Variants in PKHD1 observed in about 807,000 individuals in gnomAD.
PKHD1 encodes the protein PKHD1 ciliary IPT domain containing fibrocystin/polyductin, also known as fibrocystin.
Under a neutral mutation model 412.0 loss-of-function variants are expected in PKHD1, and 291 were observed. That is an observed-to-expected ratio of 0.71 (90% CI 0.64 to 0.78). The LOEUF (loss-of-function observed/expected upper bound fraction) is 0.78. Among genes scored for constraint, PKHD1 ranks in the 30% least tolerant of loss-of-function variants. The pLI is 0.00. For missense variants in PKHD1, 4,825 were observed against 4,950.7 expected (o/e 0.97, Z 0.76); for synonymous variants, 1,777 against 1,821.5 (o/e 0.98, Z 0.62).
chr6:51,802,338 T>C (rs1031637319), intron 52 of PKHD1, among the ~76,000 whole-genome samples: 9 of 151,576 alleles, frequency 5.9e-5, no homozygotes, highest in Non-Finnish European at 1.0e-4. Flanking sequence ...TTAGGTCTGA[T>C]GTTAAACTAC....
rs769182701 is a variant in PKHD1 at position 51,754,883 on chromosome 6, A to G, written c.8698T>C (p.Ser2900Pro). 2 of 1,613,276 alleles carry G rather than the reference A, an allele frequency of 1.2e-6. No individual in the cohort carries two copies. The highest frequency in any genetic ancestry group is 2.2e-5 in the South Asian group (2 of 91,068). The change falls in exon 56 of 67, where the codon TCC becomes CCC. Residue 2900 changes from serine (S) to proline (P), a missense_variant. Transcript: ENST00000371117. ...GCTTCATGAGGCTCATAAGAAGAGG[A>G]GCTAAGGACTATTTTGTCATGGGGG... ...WRPHDKIVLS[S>P]SSYEPHEAEV...
chr6:51,932,596 C>T (rs931789257), intron 37 of PKHD1, among the ~76,000 whole-genome samples: 2 of 152,194 alleles, frequency 1.3e-5, no homozygotes, highest in African/African-American at 2.4e-5. Context: ...CATTTGAAAA[C>T]CATGGCTGAC....
At chr6:51,659,991 A>G in intron 60 of PKHD1, 22 bp from the exon 61 acceptor site, 1 of 1,399,756 alleles carries the variant, frequency 7.1e-7, no homozygotes. Context: ...AAGAAGCAAA[A>G]CAAGTGATAT....
chr6:51,934,299 G>A lies in PKHD1; in HGVS notation c.5932C>T (p.Pro1978Ser). ...IKGGKLIFMAPGPIELRAHAI... is the reference protein window; with the variant it reads ...IKGGKLIFMASGPIELRAHAI... ...TGTGCCCTGAGCTCGATGGGTCCTG[G>A]GGCCATGAAAATCAGCTTGCCCCCT... The change falls in exon 37 of 67, where the codon CCA becomes TCA. Residue 1978 changes from proline to serine, a missense_variant. Coordinates refer to ENST00000371117, the MANE Select transcript of PKHD1 (RefSeq NM_138694.4). 1.9e-6 allele frequency: 3 copies of A among 1,612,576 alleles called. No individual in the cohort carries two copies. Among genetic ancestry groups the A allele is most frequent in the Non-Finnish European group, 2.5e-6 (3 of 1,179,746 alleles).
intron 35 of PKHD1, among the ~76,000 whole-genome samples, chr6:52,007,302 C>T (rs1163641624): frequency 6.6e-6 from 1 of 152,168 alleles, no homozygotes; most frequent in Non-Finnish European, 1.5e-5. Context: ...TTTACATTCC[C>T]ACCAGCAGTG....
chr6:51,797,416 A>G (rs1562332537), intron 52 of PKHD1, among the ~76,000 whole-genome samples: 1 of 152,094 alleles, frequency 6.6e-6, no homozygotes, highest in Non-Finnish European at 1.5e-5. Flanking sequence ...GTCTCACACT[A>G]TTATTGTGTG....
At chr6:51,832,282 A>T (rs2151520327) in intron 51 of PKHD1, among the ~76,000 whole-genome samples, 1 of 152,182 alleles carries the variant, frequency 6.6e-6, no homozygotes, top group African/African-American at 2.4e-5. Flanking sequence ...GCTGCATTTT[A>T]AAGCCTTAGA....
intron 60 of PKHD1, among the ~76,000 whole-genome samples, chr6:51,690,346 A>T (rs536318008): frequency 6.6e-6 from 1 of 151,930 alleles, no homozygotes; most frequent in African/African-American, 2.4e-5. Context: ...CAAAAAAGAG[A>T]TCGAATAGCC....
At chr6:51,753,874 G>A (rs1319949426) in intron 56 of PKHD1, among the ~76,000 whole-genome samples, 1 of 152,212 alleles carries the variant, frequency 6.6e-6, no homozygotes. Context: ...GGCCTGAACA[G>A]CTTCCACAGC....
intron 31 of PKHD1, 50 bp from the exon 32 acceptor site, chr6:52,026,231 A>T: frequency 6.5e-7 from 1 of 1,533,220 alleles, no homozygotes; most frequent in Non-Finnish European, 9.0e-7. Flanking sequence ...ATTCTGAACT[A>T]AGAATTCATA....
intron 52 of PKHD1, among the ~76,000 whole-genome samples, chr6:51,823,196 CA>C (rs1391739685): frequency 1.3e-5 from 2 of 151,960 alleles, no homozygotes; most frequent in Non-Finnish European, 1.5e-5. Flanking sequence ...AGAAGGTGCC[CA>C]ATACGGTCAC....
chr6:51,894,926 T>G (rs1779664384), intron 43 of PKHD1, among the ~76,000 whole-genome samples: 1 of 152,200 alleles, frequency 6.6e-6, no homozygotes, highest in Admixed American at 6.5e-5. Flanking sequence ...AAGTCTGAAA[T>G]TATTTTAAAA....
At chr6:51,624,266 G>A (rs2771013) in intron 66 of PKHD1, among the ~76,000 whole-genome samples, 7,636 of 152,134 alleles carry the variant, frequency 0.05, 333 homozygotes, top group African/African-American at 0.12. Flanking sequence ...ATTATTTTTT[G>A]AAGTTGTCTT....
intron 66 of PKHD1, among the ~76,000 whole-genome samples, chr6:51,623,657 C>T (rs1025853995): frequency 3.9e-5 from 6 of 152,034 alleles, no homozygotes; most frequent in Admixed American, 3.9e-4. Context: ...GATCTTGGCC[C>T]ACTGCGCCCT....
chr6:51,942,132 T>C (rs1484719993), intron 36 of PKHD1, among the ~76,000 whole-genome samples: 2 of 151,406 alleles, frequency 1.3e-5, no homozygotes, highest in Admixed American at 6.6e-5. Context: ...GCTGACCCCA[T>C]AGATCCTAAA....
rs1005094450 is a variant in PKHD1 at position 52,072,179 on chromosome 6, A to G, written c.538T>C (p.Leu180=). The change falls in exon 8 of 67, where the codon TTG becomes CTG. Residue 180 remains leucine (L), a synonymous_variant. Coordinates refer to ENST00000371117, the MANE Select transcript of PKHD1 (RefSeq NM_138694.4). The part of the protein sequence containing the change: ...DAEYIDSPVI[L]EAQGDKWVTP... Reference sequence around the variant, plus strand: ...ACCCATTTGTCTCCTTGAGCTTCCAAGATCACTGGGCTGGATTTAAAAAAA... The same window carrying G: ...ACCCATTTGTCTCCTTGAGCTTCCAGGATCACTGGGCTGGATTTAAAAAAA... 2 of 1,603,570 alleles carry G rather than the reference A, an allele frequency of 1.2e-6. No homozygotes were observed. Among genetic ancestry groups the G allele is most frequent in the Non-Finnish European group, 1.7e-6 (2 of 1,170,512 alleles).
intron 53 of PKHD1, among the ~76,000 whole-genome samples, chr6:51,788,211 G>A (rs900436994): frequency 7.9e-5 from 12 of 152,104 alleles, no homozygotes; most frequent in African/African-American, 2.7e-4. Context: ...AGCTGACAGT[G>A]TAGTTGGCAG....
rs74562781 is a variant in PKHD1 at position 51,630,164 on chromosome 6, C to T, written c.11665+2401G>A. Among the ~76,000 whole-genome samples, 828 of 152,144 alleles carry T rather than the reference C, an allele frequency of 5.4e-3. 7 individuals are homozygous for T. The highest frequency in any genetic ancestry group is 0.019 in the African/African-American group (777 of 41,516). ...TTTCATGTAACAAAGTACAAAAAGG[C>T]CATTGAGATGGCACTTTAAGTAACT... On this transcript the variant is annotated intron_variant, in intron 65 of 66. Coordinates refer to ENST00000371117, the MANE Select transcript of PKHD1 (RefSeq NM_138694.4).
rs527245172 is a variant in PKHD1 at position 51,640,132 on chromosome 6, T to C, written c.11399-1176A>G. 6.0e-4 allele frequency among the ~76,000 whole-genome samples: 91 copies of C among 152,334 alleles called. 1 individual carries two copies. Among genetic ancestry groups the C allele is most frequent in the Non-Finnish European group, 1.2e-4 (8 of 68,036 alleles). Reference sequence around the variant, plus strand: ...ATCAAAATTATGGTCAATAAACTCTTGCAAACAATGAACTGAAGAGTACAG... The same window carrying C: ...ATCAAAATTATGGTCAATAAACTCTCGCAAACAATGAACTGAAGAGTACAG... On this transcript the variant is annotated intron_variant, in intron 63 of 66. Coordinates refer to ENST00000371117, the MANE Select transcript of PKHD1 (RefSeq NM_138694.4).
Sources: gnomAD v4.1 joint callset for allele counts (sites outside exome capture counted in the v4.1 genomes callset) on GRCh38, gnomAD v4.1.1 for gene constraint, MANE v1.5 for transcripts, NCBI Gene and HGNC (gene_info 2026-07-23, HGNC 2026-07-21) for gene names.